WNT10A: variants seen among roughly 807,000 people sequenced by gnomAD.
WNT10A encodes the protein protein Wnt-10a.
A neutral mutation model predicts 36.1 loss-of-function variants in WNT10A; 37 were observed. The observed-to-expected ratio is 1.02, with a 90% CI of 0.79 to 1.35. The LOEUF (loss-of-function observed/expected upper bound fraction) is 1.35, where lower values mean the gene tolerates loss of function less well. WNT10A is among the 40% of genes most tolerant of loss of function. WNT10A has a pLI of 0.00. For missense variants in WNT10A, 613 were observed against 601.4 expected, an observed-to-expected ratio of 1.02 and a Z score of -0.20; for synonymous variants, 255 against 254.1, an observed-to-expected ratio of 1.00 and a Z score of -0.03.
chr2:218,885,017 C>T (rs1944563613), intron 2 of WNT10A, among the ~76,000 whole-genome samples: 1 of 152,172 alleles, frequency 6.6e-6, no homozygotes, highest in Admixed American at 6.5e-5. Context: ...GTCCTGACAC[C>T]TTCTCTGTAA....
chr2:218,891,224 G>C (rs530587050), intron 3 of WNT10A, among the ~76,000 whole-genome samples: 1 of 152,178 alleles, frequency 6.6e-6, no homozygotes, highest in Non-Finnish European at 1.5e-5. Context: ...CCAGGCAGTT[G>C]ACCTTTGAGC....
In WNT10A at chr2:218,893,394, T is replaced by C. The variant is rs937148442; in HGVS notation, c.*123T>C. On this transcript the variant is annotated 3_prime_UTR_variant, in exon 4 of 4. Coordinates refer to ENST00000258411, the MANE Select transcript of WNT10A (RefSeq NM_025216.3). This position sits in a 1 kb window ranked among gnomAD's most constrained non-coding sequence, Gnocchi z 6.3. ...GGGAAGAGGAGATTGGACCACATGA[T>C]CTTATAGGAACCCCTCAGCTCTGAG... 1 of 1,358,662 alleles carries C rather than the reference T, an allele frequency of 7.4e-7. No individual in the cohort carries two copies. Among genetic ancestry groups the C allele is most frequent in the Non-Finnish European group, 9.8e-7 (1 of 1,023,490 alleles). 84.2% of individuals were successfully genotyped at this position (1,358,662 alleles called of 1,614,324 possible). A position where few individuals can be genotyped will look rare whatever the true frequency, so the allele number is the denominator to read the frequency against.
intron 2 of WNT10A, among the ~76,000 whole-genome samples, chr2:218,889,727 G>T (rs1944622894): frequency 6.6e-6 from 1 of 152,214 alleles, no homozygotes; most frequent in Non-Finnish European, 1.5e-5. Context: ...TTTGCTAAAG[G>T]TGATGTTAAA....
chr2:218,892,741 C>T (rs537194354), intron 3 of WNT10A, 33 bp from the exon 4 acceptor site: 1 of 1,560,198 alleles, frequency 6.4e-7, no homozygotes, highest in South Asian at 1.2e-5. Context: ...GGGCTGCGCG[C>T]CGTGTCACCC....
chr2:218,876,024 C>T (rs920666270), upstream of WNT10A, among the ~76,000 whole-genome samples: 2 of 152,190 alleles, frequency 1.3e-5, no homozygotes, highest in African/African-American at 4.8e-5. Flanking sequence ...CTCTCCCTCG[C>T]CTCTGCATCT....
At chr2:218,892,583 G>A (rs566381838) in intron 3 of WNT10A, among the ~76,000 whole-genome samples, 191 bp from the exon 4 acceptor site, 1 of 152,206 alleles carries the variant, frequency 6.6e-6, no homozygotes, top group African/African-American at 2.4e-5. Flanking sequence ...AGGTGGGTGG[G>A]AGAGGCAGAG....
Position 218,882,442 on chromosome 2 carries a change from T to G in WNT10A, c.376+19T>G. On this transcript the variant is annotated intron_variant, in intron 2 of 3. Transcript: ENST00000258411. ...AGCAGAGGTAGCTGCCCCTCACCCCTGCCCCTGCCTGCCCCATCCAGCATC... is the reference window on the plus strand; with the variant it reads ...AGCAGAGGTAGCTGCCCCTCACCCCGGCCCCTGCCTGCCCCATCCAGCATC... 1 of 1,613,506 alleles carries G rather than the reference T, an allele frequency of 6.2e-7. No individual in the cohort carries two copies. Among genetic ancestry groups the G allele is most frequent in the Non-Finnish European group, 8.5e-7 (1 of 1,179,756 alleles).
At position 218,890,354 on chromosome 2, in the gene WNT10A, T is replaced by A. The variant is rs1283500018; in HGVS notation, c.747T>A (p.Val249=). 6.3e-7 allele frequency: 1 copy of A among 1,599,882 alleles called. No individual in the cohort carries two copies. ...GAATGAGGCTTCACAACAACCGAGT[T>A]GGGAGGCAGGTGAGAGCCCCACCCC... ...HARMRLHNNR[V]GRQAVMENMR... The change falls in exon 3 of 4, where the codon GTT becomes GTA. Residue 249 remains valine (V), a synonymous_variant. Transcript: ENST00000258411.
chr2:218,892,633 C>T, intron 3 of WNT10A, 141 bp from the exon 4 acceptor site: 2 of 1,348,406 alleles, frequency 1.5e-6, no homozygotes, highest in Non-Finnish European at 1.0e-6. Context: ...CTTCTGACTG[C>T]CTGGTTGTGG....
intron 1 of WNT10A, among the ~76,000 whole-genome samples, 188 bp downstream of exon 1, chr2:218,881,296 G>C (rs539264225): frequency 6.6e-6 from 1 of 152,186 alleles, no homozygotes. Context: ...ACAGGATATG[G>C]GCAGTCCAGG....
chr2:218,888,461 GC>G (rs1174178077), intron 2 of WNT10A, among the ~76,000 whole-genome samples: 1 of 152,224 alleles, frequency 6.6e-6, no homozygotes, highest in Non-Finnish European at 1.5e-5. Flanking sequence ...GAAAATCTGT[GC>G]CTCCTGAACA....
upstream of WNT10A, among the ~76,000 whole-genome samples, chr2:218,877,562 G>T (rs1422370858): frequency 2.6e-5 from 4 of 152,176 alleles, no homozygotes; most frequent in Non-Finnish European, 4.4e-5. This position sits in a 1 kb window ranked among gnomAD's most constrained non-coding sequence, Gnocchi z 4.1. Flanking sequence ...TGGCTGAATG[G>T]CAGGGGACAT....
upstream of WNT10A, chr2:218,880,815 C>T (rs1424982862): frequency 6.9e-6 from 4 of 581,924 alleles, no homozygotes; most frequent in Non-Finnish European, 1.1e-5. This position sits in a 1 kb window ranked among gnomAD's most constrained non-coding sequence, Gnocchi z 7.7. Context: ...GGGCGGTGCC[C>T]GGGGGTGCTG....
chr2:218,874,245 A>G, the WNT10A span: 1 of 182,658 alleles, frequency 5.5e-6, no homozygotes, highest in South Asian at 1.9e-4. Flanking sequence ...GGCTGGACCC[A>G]CAGTTTTGGG....
rs958862779 is a variant in WNT10A at position 218,893,773 on chromosome 2, C to G, written c.*502C>G. Reference sequence around the variant, plus strand: ...ATTTAACAAATATTTATTTTGCACTCTCTTTGCGGCACTCTGGGGGCGGTG... The same window carrying G: ...ATTTAACAAATATTTATTTTGCACTGTCTTTGCGGCACTCTGGGGGCGGTG... On this transcript the variant is annotated 3_prime_UTR_variant, in exon 4 of 4. Transcript: ENST00000258411. This position sits in a 1 kb window ranked among gnomAD's most constrained non-coding sequence, Gnocchi z 6.3. 6.5e-6 allele frequency: 1 copy of G among 153,492 alleles called. No homozygotes were observed. Among genetic ancestry groups the G allele is most frequent in the African/African-American group, 2.4e-5 (1 of 41,506 alleles). 9.5% of individuals were successfully genotyped at this position (153,492 alleles called of 1,614,324 possible).
chr2:218,882,878 CT>C (rs1944534251), intron 2 of WNT10A, among the ~76,000 whole-genome samples: 1 of 152,222 alleles, frequency 6.6e-6, no homozygotes, highest in Non-Finnish European at 1.5e-5. Context: ...GGTAAAAAGT[CT>C]GCCCTTCTGC....
At chr2:218,885,196 C>G (rs1944565112) in intron 2 of WNT10A, among the ~76,000 whole-genome samples, 1 of 152,142 alleles carries the variant, frequency 6.6e-6, no homozygotes. Flanking sequence ...GGACAGGGGC[C>G]TCCCGTGGGA....
rs200733269 is a variant in WNT10A, at chr2:218,890,377, C to T, written c.756+14C>T. The T allele has an allele frequency of 4.6e-4, 735 of 1,599,260 alleles. 3 individuals are homozygous for T. Among genetic ancestry groups the T allele is most frequent in the Non-Finnish European group, 5.5e-4 (651 of 1,179,952 alleles). On this transcript the variant is annotated intron_variant, in intron 3 of 3. Transcript: ENST00000258411. ...GTTGGGAGGCAGGTGAGAGCCCCAC[C>T]CCTGGGTCTGCTTCAAATCTCTTTG... is the stretch of plus-strand genomic sequence containing the variant.
chr2:218,890,076 T>TGTGGC lies in WNT10A; in HGVS notation c.470_474dup (p.Cys159ValfsTer32). The TGTGGC allele has an allele frequency of 6.2e-7, 1 of 1,614,144 alleles. No individual in the cohort carries two copies. On this transcript the variant is annotated frameshift_variant, in exon 3 of 4. Coordinates refer to ENST00000258411, the MANE Select transcript of WNT10A (RefSeq NM_025216.3). LOFTEE classifies it high-confidence loss of function. ...GTGTGCCCTGGGCAAACTGAAGGCC[T>TGTGGC]GTGGCTGTGATGCGTCCCGGCGAGG...
Sources: allele counts gnomAD v4.1 joint callset (sites outside exome capture counted in the v4.1 genomes callset), GRCh38; gene constraint gnomAD v4.1.1; non-coding constraint Gnocchi (gnomAD v3.1); transcripts MANE v1.5; gene names NCBI Gene and HGNC (gene_info 2026-07-23, HGNC 2026-07-21).